ABCC4: variants seen among roughly 807,000 people sequenced by gnomAD.
ABCC4 encodes ATP-binding cassette sub-family C member 4.
In ABCC4, 102 loss-of-function variants were observed where a neutral mutation model predicts 168.5. The ratio of observed to expected loss-of-function variants is 0.61; its 90% CI spans 0.52 to 0.71. ABCC4 has a LOEUF of 0.71. Ranked by LOEUF, ABCC4 falls within the 30% of genes least tolerant of loss-of-function variation. The probability of loss-of-function intolerance (pLI) is 0.00; values close to 1 mark genes in which losing one functional copy is unlikely to be tolerated. For synonymous variants in ABCC4, 617 were observed against 590.7 expected (o/e 1.04, Z -0.65); for missense variants, 1,402 against 1,605.8 (o/e 0.87, Z 2.17).
chr13:95,073,053 T>C (rs1420675108), intron 24 of ABCC4, 151 bp downstream of exon 24: 7 of 555,560 alleles, frequency 1.3e-5, no homozygotes, highest in African/African-American at 1.9e-5. Flanking sequence ...TTATTTTACA[T>C]TAACTTTAAA....
chr13:95,224,619 C>T (rs2039403280), intron 4 of ABCC4, among the ~76,000 whole-genome samples: 1 of 152,016 alleles, frequency 6.6e-6, no homozygotes, highest in Non-Finnish European at 1.5e-5. Context: ...TGCCTATAAT[C>T]CCAGCTACTC....
At position 95,188,679 on chromosome 13, in the gene ABCC4, G is replaced by A. The variant is rs887780240; in HGVS notation, c.1264-137C>T. The A allele has an allele frequency of 9.9e-6, 7 of 704,892 alleles. No individual in the cohort carries two copies. In the African/African-American group the frequency reaches 1.3e-4, roughly 13 times the overall value. The allele number at this position is 704,892 out of a possible 1,614,324, so 43.7% of individuals were successfully genotyped here. Reference sequence around the variant, plus strand: ...TTTCTCCTTCCTATTTTAAGATATTGTATCCTAGAGTCCTTTTCATACAAT... The same window carrying A: ...TTTCTCCTTCCTATTTTAAGATATTATATCCTAGAGTCCTTTTCATACAAT... On this transcript the variant is annotated intron_variant, in intron 9 of 30. Transcript: ENST00000645237.
chr13:95,164,204 T>C (rs1384325419), intron 16 of ABCC4, among the ~76,000 whole-genome samples, 174 bp downstream of exon 16: 1 of 152,184 alleles, frequency 6.6e-6, no homozygotes, highest in African/African-American at 2.4e-5. Context: ...ATACCCTTTT[T>C]TCGCAGGTCT....
At chr13:95,103,148 C>T (rs562156023) in intron 20 of ABCC4, among the ~76,000 whole-genome samples, 1 of 152,088 alleles carries the variant, frequency 6.6e-6, no homozygotes, top group South Asian at 2.1e-4. Context: ...ACCTGTAGTC[C>T]CAGCTACTTG....
At chr13:95,296,171 CACACACACACACAA>C (rs770990413) in intron 1 of ABCC4, among the ~76,000 whole-genome samples, 2,594 of 109,072 alleles carry the variant, frequency 0.024, 59 homozygotes, top group African/African-American at 0.033. Flanking sequence ...CACACACACA[CACACACACACACAA>C]AAACACAAAA....
intron 19 of ABCC4, among the ~76,000 whole-genome samples, chr13:95,134,286 C>T (rs2036070142): frequency 6.6e-6 from 1 of 152,200 alleles, no homozygotes; most frequent in Non-Finnish European, 1.5e-5. Flanking sequence ...GACGTACAAA[C>T]ATTCTCTATA....
intron 1 of ABCC4, among the ~76,000 whole-genome samples, chr13:95,277,730 G>C (rs569274091): frequency 6.6e-6 from 1 of 152,316 alleles, no homozygotes; most frequent in South Asian, 2.1e-4. Context: ...AAAGAGAACA[G>C]CAAGTGCTGA....
At chr13:95,104,360 C>G (rs139753785) in intron 20 of ABCC4, among the ~76,000 whole-genome samples, 1 of 152,248 alleles carries the variant, frequency 6.6e-6, no homozygotes, top group East Asian at 1.9e-4. Context: ...GTGATCTGCC[C>G]TCCTCAGCCT....
chr13:95,242,606 G>A (rs1164207671), intron 3 of ABCC4, among the ~76,000 whole-genome samples: 6 of 152,104 alleles, frequency 3.9e-5, no homozygotes, highest in Non-Finnish European at 7.3e-5. Context: ...CACTAAAGCT[G>A]GGAACTCCTG....
intron 30 of ABCC4, among the ~76,000 whole-genome samples, chr13:95,022,828 ACTTT>A (rs1370116350): frequency 1.3e-5 from 2 of 152,246 alleles, no homozygotes; most frequent in Non-Finnish European, 2.9e-5. Flanking sequence ...TATTAAGTGT[ACTTT>A]CTTTTTCTCT....
chr13:95,143,833 C>A (rs2036399532), intron 19 of ABCC4, among the ~76,000 whole-genome samples: 1 of 152,212 alleles, frequency 6.6e-6, no homozygotes. Context: ...AAGTGATCAT[C>A]TAGTTTGCAG....
At chr13:95,044,222 A>C in intron 28 of ABCC4, 44 bp downstream of exon 28, 2 of 1,518,398 alleles carry the variant, frequency 1.3e-6, no homozygotes, top group Non-Finnish European at 1.8e-6. Context: ...CCATTTACAC[A>C]CTTAAAATGT....
intron 29 of ABCC4, among the ~76,000 whole-genome samples, chr13:95,036,773 T>G (rs998206655): frequency 1.3e-5 from 2 of 152,054 alleles, no homozygotes; most frequent in African/African-American, 4.8e-5. Flanking sequence ...TCTTTAATAT[T>G]TTTTTGATAT....
Position 95,286,123 on chromosome 13 carries a change from C to CTTTTTTTTTTT in ABCC4, c.74+15107_74+15117dup, listed in dbSNP as rs773328777. 3.9e-4 allele frequency among the ~76,000 whole-genome samples: 41 copies of CTTTTTTTTTTT among 105,556 alleles called. 11 individuals carry two copies. The highest frequency in any genetic ancestry group is 6.6e-4 in the East Asian group (2 of 3,052). 69.2% of individuals were successfully genotyped at this position (105,556 alleles called of 152,430 possible). A position where few individuals can be genotyped will look rare whatever the true frequency, so the allele number is the denominator to read the frequency against. ...GCTGTGAAACTGCTTTCCAGAAAAA[C>CTTTTTTTTTTT]TTTTTTTTTTTTTTGAGACGGAGTC... On this transcript the variant is annotated intron_variant, in intron 1 of 30. Coordinates refer to ENST00000645237, the MANE Select transcript of ABCC4 (RefSeq NM_005845.5).
At chr13:95,173,440 A>G (rs2037547340) in intron 13 of ABCC4, among the ~76,000 whole-genome samples, 1 of 152,234 alleles carries the variant, frequency 6.6e-6, no homozygotes, top group Non-Finnish European at 1.5e-5. Context: ...GGCAGGAGGT[A>G]GGATCTGTGT....
intron 8 of ABCC4, among the ~76,000 whole-genome samples, chr13:95,199,944 G>A (rs544248255): frequency 6.6e-6 from 1 of 152,250 alleles, no homozygotes; most frequent in East Asian, 1.9e-4. Context: ...GCTATTTCTT[G>A]AGCCTTCGCA....
chr13:95,236,408 T>C (rs1369962180), intron 3 of ABCC4, among the ~76,000 whole-genome samples: 1 of 152,222 alleles, frequency 6.6e-6, no homozygotes, highest in Non-Finnish European at 1.5e-5. Flanking sequence ...GGTTTGCCAT[T>C]GATAGCTGTT....
At chr13:95,109,425 C>T (rs2139395415) in intron 20 of ABCC4, among the ~76,000 whole-genome samples, 1 of 151,366 alleles carries the variant, frequency 6.6e-6, no homozygotes, top group East Asian at 1.9e-4. Context: ...CACACAGGTG[C>T]CAACAGTCTG....
At chr13:95,163,334 C>A in intron 17 of ABCC4, 118 bp from the exon 18 acceptor site, 1 of 730,674 alleles carries the variant, frequency 1.4e-6, no homozygotes, top group East Asian at 2.7e-5. Context: ...TGATTCTCAG[C>A]TCACTTAGTC....
Sources: gnomAD v4.1 joint callset for allele counts (sites outside exome capture counted in the v4.1 genomes callset) on GRCh38, gnomAD v4.1.1 for gene constraint, MANE v1.5 for transcripts, NCBI Gene and HGNC (gene_info 2026-07-23, HGNC 2026-07-21) for gene names.